The following ENPP2 variants were observed in gnomAD, a reference collection of about 807,000 sequenced individuals.
ENPP2 encodes ectonucleotide pyrophosphatase/phosphodiesterase 2.
ENPP2 carries 51 observed loss-of-function variants against 120.2 expected under a neutral mutation model. The ratio of observed to expected loss-of-function variants is 0.42; its 90% CI spans 0.34 to 0.54. The LOEUF (loss-of-function observed/expected upper bound fraction) is 0.54. Ranked by LOEUF, ENPP2 falls within the 20% of genes least tolerant of loss-of-function variation. The probability of loss-of-function intolerance (pLI) is 0.04; values close to 1 mark genes in which losing one functional copy is unlikely to be tolerated. For synonymous variants in ENPP2, 365 were observed against 366.4 expected (o/e 1.00, Z 0.04); for missense variants, 920 against 1,066.5 (o/e 0.86, Z 1.91).
At chr8:119,669,565 T>G (rs1818179654) in intron 1 of ENPP2, among the ~76,000 whole-genome samples, 1 of 152,234 alleles carries the variant, frequency 6.6e-6, no homozygotes, top group South Asian at 2.1e-4. Context: ...TGACTTATGC[T>G]GGCTCCACTA....
intron 1 of ENPP2, among the ~76,000 whole-genome samples, chr8:119,646,583 G>GT (rs1428815922): frequency 1.7e-4 from 26 of 152,124 alleles, no homozygotes; most frequent in African/African-American, 6.3e-4. Flanking sequence ...CTCGACCACA[G>GT]TTTAACTGTG....
intron 1 of ENPP2, among the ~76,000 whole-genome samples, chr8:119,655,282 T>C (rs1817736656): frequency 6.6e-6 from 1 of 152,226 alleles, no homozygotes; most frequent in Non-Finnish European, 1.5e-5. Flanking sequence ...CATAATCCTT[T>C]GTAAACAGAG....
At chr8:119,635,542 T>C (rs1816948101) in intron 2 of ENPP2, among the ~76,000 whole-genome samples, 1 of 152,234 alleles carries the variant, frequency 6.6e-6, no homozygotes, top group South Asian at 2.1e-4. Context: ...ATAAAGTCTC[T>C]TGCAGTCTTA....
chr8:119,579,281 G>A (rs1049904115), intron 19 of ENPP2, among the ~76,000 whole-genome samples: 16 of 152,056 alleles, frequency 1.1e-4, no homozygotes, highest in African/African-American at 3.9e-4. Flanking sequence ...TAGAGTCCCC[G>A]TGGAAAAAAT....
intron 22 of ENPP2, among the ~76,000 whole-genome samples, chr8:119,566,034 C>G (rs1416904541): frequency 2.0e-5 from 3 of 152,264 alleles, no homozygotes; most frequent in East Asian, 3.9e-4. Context: ...TCTTCCTGTC[C>G]CCTGACTTTT....
chr8:119,615,152 T>C (rs1231352012), intron 8 of ENPP2, among the ~76,000 whole-genome samples: 1 of 152,248 alleles, frequency 6.6e-6, no homozygotes, highest in East Asian at 1.9e-4. Context: ...ACAAGATCAT[T>C]GAGGCATGGT....
chr8:119,563,087 A>T, intron 23 of ENPP2, 74 bp from the exon 24 acceptor site: 1 of 1,307,688 alleles, frequency 7.6e-7, no homozygotes, highest in Non-Finnish European at 1.1e-6. Flanking sequence ...ATGGTGATCA[A>T]TGAATATTGC....
chr8:119,581,503 C>T (rs1484384429), intron 18 of ENPP2, among the ~76,000 whole-genome samples: 6 of 152,040 alleles, frequency 3.9e-5, no homozygotes, highest in Non-Finnish European at 7.4e-5. Flanking sequence ...ACTCTCCTAT[C>T]TGGGAGTGCT....
intron 21 of ENPP2, 92 bp downstream of exon 21, chr8:119,569,143 G>C: frequency 7.8e-7 from 1 of 1,285,778 alleles, no homozygotes; most frequent in Non-Finnish European, 1.1e-6. Flanking sequence ...ACCCTCTCTT[G>C]AAGAAAACCC....
exon 1 of ENPP2, chr8:119,673,338 C>G: frequency 6.5e-7 from 1 of 1,528,246 alleles, no homozygotes; most frequent in Admixed American, 2.0e-5. Context: ...TGCAGCCCCG[C>G]GACCTGGGAG....
chr8:119,668,690 G>C (rs895147832), intron 1 of ENPP2, among the ~76,000 whole-genome samples: 2 of 152,020 alleles, frequency 1.3e-5, no homozygotes. Context: ...GCCTCCCAAA[G>C]TGCTGGGATT....
intron 22 of ENPP2, among the ~76,000 whole-genome samples, chr8:119,567,389 G>A (rs1814558971): frequency 6.6e-6 from 1 of 152,104 alleles, no homozygotes; most frequent in Admixed American, 6.5e-5. Flanking sequence ...AACCTTAGAG[G>A]TCATGCAATC....
intron 9 of ENPP2, among the ~76,000 whole-genome samples, chr8:119,606,938 G>A (rs2130623717): frequency 6.6e-6 from 1 of 151,706 alleles, no homozygotes; most frequent in East Asian, 1.9e-4. Context: ...TTCTTACTAA[G>A]GAACCTTAAA....
At chr8:119,618,360 C>A in intron 5 of ENPP2, 1 of 472,302 alleles carries the variant, frequency 2.1e-6, no homozygotes, top group South Asian at 1.5e-5. Context: ...TCTGTCTTCC[C>A]CACAAAGAGA....
intron 1 of ENPP2, among the ~76,000 whole-genome samples, chr8:119,670,339 T>C (rs992395286): frequency 3.9e-5 from 6 of 152,256 alleles, no homozygotes; most frequent in African/African-American, 1.4e-4. Flanking sequence ...TAATCATGCT[T>C]AACCTTTATT....
Position 119,584,928 on chromosome 8 carries a change from A to G in ENPP2, c.1368-879T>C, listed in dbSNP as rs527926244. ...TGGAAAAATAAGGGCTTGGGATAAT[A>G]AGACATATGCATACAATACCTCAAC... is the stretch of plus-strand genomic sequence containing the variant. On this transcript the variant is annotated intron_variant, in intron 15 of 24. Coordinates refer to ENST00000075322, the MANE Select transcript of ENPP2 (RefSeq NM_001040092.3). 4.6e-5 allele frequency among the ~76,000 whole-genome samples: 7 copies of G among 152,334 alleles called. No individual in the cohort carries two copies. In the East Asian group the frequency reaches 1.3e-3, roughly 29 times the overall value.
chr8:119,605,661 G>A (rs530465577), intron 9 of ENPP2, among the ~76,000 whole-genome samples: 1 of 151,004 alleles, frequency 6.6e-6, no homozygotes, highest in South Asian at 2.1e-4. Flanking sequence ...AGAGACGAGG[G>A]TTCTCCATGT....
rs536353383 is a variant in ENPP2, at chr8:119,627,103, C to T, written c.137-383G>A. On this transcript the variant is annotated intron_variant, in intron 2 of 24. Coordinates refer to ENST00000075322, the MANE Select transcript of ENPP2 (RefSeq NM_001040092.3). Reference sequence around the variant, plus strand: ...CCCCTGTGGGTGCTAACGATGACCACAGAGAACAGTACCTTGATCTATATC... The same window carrying T: ...CCCCTGTGGGTGCTAACGATGACCATAGAGAACAGTACCTTGATCTATATC... Among the ~76,000 whole-genome samples, 3 of 152,144 alleles carry T rather than the reference C, an allele frequency of 2.0e-5. No individual in the cohort carries two copies. In the South Asian group the frequency reaches 6.3e-4, roughly 32 times the overall value.
At chr8:119,583,117 C>G (rs996079192) in intron 17 of ENPP2, among the ~76,000 whole-genome samples, 1 of 152,122 alleles carries the variant, frequency 6.6e-6, no homozygotes, top group Non-Finnish European at 1.5e-5. Flanking sequence ...GATTTCATAG[C>G]AAGTGAATGG....
Sources: allele counts gnomAD v4.1 joint callset (sites outside exome capture counted in the v4.1 genomes callset), GRCh38; gene constraint gnomAD v4.1.1; transcripts MANE v1.5; gene names NCBI Gene and HGNC (gene_info 2026-07-23, HGNC 2026-07-21).